LAMA1: variants seen among roughly 807,000 people sequenced by gnomAD.
The protein encoded by LAMA1 is laminin subunit alpha-1.
A neutral mutation model predicts 348.7 loss-of-function variants in LAMA1; 219 were observed. The ratio of observed to expected loss-of-function variants is 0.63; its 90% confidence interval spans 0.56 to 0.70. The LOEUF (loss-of-function observed/expected upper bound fraction) is 0.70, where lower values mean the gene tolerates loss of function less well. Among genes scored for constraint, LAMA1 ranks in the 30% least tolerant of loss-of-function variants. The pLI, the probability that LAMA1 is intolerant of heterozygous loss-of-function variation, is 0.00. For missense variants in LAMA1, 3,744 were observed against 3,888.0 expected (o/e 0.96, Z 0.99); for synonymous variants, 1,487 against 1,491.0 (o/e 1.00, Z 0.06).
In LAMA1 at chr18:6,978,344, C is replaced by T. The variant is rs748882155; in HGVS notation, c.6042G>A (p.Leu2014=). The T allele has an allele frequency of 1.9e-6, 3 of 1,614,154 alleles. No homozygotes were observed. Among genetic ancestry groups the T allele is most frequent in the Non-Finnish European group, 2.5e-6 (3 of 1,180,044 alleles). Residue 2014 remains leucine (L), a synonymous_variant, in exon 43 of 63, where the codon CTG becomes CTA. Transcript: ENST00000389658. ...IRDKGAKTKE[L]ATSASQSAVS... The stretch of plus-strand genomic sequence containing the variant: ...CCGCGCTCTGGCTTGCAGACGTGGC[C>T]AGCTCTTTGGTTTTGGCTCCCTTGT...
chr18:7,034,740 AAAAT>A (rs2057986824), intron 13 of LAMA1, 50 bp from the exon 14 acceptor site: 2 of 1,527,258 alleles, frequency 1.3e-6, no homozygotes, highest in Non-Finnish European at 1.8e-6. Context: ...ATTTAATGAT[AAAAT>A]AAAAATAAAA....
In LAMA1 at chr18:6,975,021, C is replaced by G; in HGVS notation, c.6505G>C (p.Val2169Leu). 1 of 1,613,968 alleles carries G rather than the reference C, an allele frequency of 6.2e-7. No individual in the cohort carries two copies. Among genetic ancestry groups the G allele is most frequent in the Non-Finnish European group, 8.5e-7 (1 of 1,179,932 alleles). Residue 2169 changes from valine (V) to leucine (L), a missense_variant, in exon 46 of 63, where the codon GTG becomes CTG. By Grantham distance (32) the Val-to-Leu change is conservative. Around this residue, in one of 3 missense-constraint regions of LAMA1, gnomAD observed 1,983 missense variants for 1,934.3 expected, o/e 1.03. Transcript: ENST00000389658. ...GSSTASDFLA[V>L]EMRRGRVAFL... ...GCCACTCTCCCTCGCCGCATCTCCA[C>G]TGCAAGGAAATCAGACTGGGGGGCG...
chr18:7,087,371 C>T (rs761357657), intron 1 of LAMA1, among the ~76,000 whole-genome samples: 27 of 152,166 alleles, frequency 1.8e-4, no homozygotes, highest in Admixed American at 3.9e-4. Flanking sequence ...ACAACTTCCA[C>T]CATAAGATGA....
intron 61 of LAMA1, among the ~76,000 whole-genome samples, chr18:6,944,519 GC>G (rs1320875150): frequency 6.6e-6 from 1 of 152,168 alleles, no homozygotes; most frequent in Non-Finnish European, 1.5e-5. Flanking sequence ...TGAAGATGGA[GC>G]TTTTAAAGAG....
intron 36 of LAMA1, among the ~76,000 whole-genome samples, chr18:6,992,250 T>C (rs7228564): frequency 0.4 from 61,025 of 152,106 alleles, 12,890 homozygotes; most frequent in East Asian, 0.7. Context: ...GCCTTATCCT[T>C]GATCTACAGT....
intron 1 of LAMA1, among the ~76,000 whole-genome samples, chr18:7,098,221 T>TGG (rs2058271235): frequency 6.6e-6 from 1 of 152,120 alleles, no homozygotes; most frequent in African/African-American, 2.4e-5. Flanking sequence ...CCCAGCCGCC[T>TGG]GCCTTGGCCT....
intron 58 of LAMA1, among the ~76,000 whole-genome samples, chr18:6,949,974 G>A (rs1322416521): frequency 2.6e-5 from 4 of 152,126 alleles, no homozygotes; most frequent in Non-Finnish European, 5.9e-5. Flanking sequence ...TAGGAATCAC[G>A]TAGCCAATAG....
intron 29 of LAMA1, among the ~76,000 whole-genome samples, chr18:7,006,342 T>C (rs754745746): frequency 5.3e-5 from 8 of 152,202 alleles, no homozygotes; most frequent in Non-Finnish European, 7.4e-5. Context: ...ATGTGAATAA[T>C]GTGCTGTTAT....
Position 6,947,207 on chromosome 18 carries a change from T to G in LAMA1, c.8800A>C (p.Thr2934Pro). ...AGTCCAATGGCATCCACTTTGGCAG[T>G]GCTGATCCCCAGGAGGACGCCATTC... ...SQNGVLLGIS[T>P]AKVDAIGLEL... Residue 2934 changes from threonine to proline, a missense_variant, in exon 61 of 63, where the codon ACT (threonine) becomes CCT (proline). Thr to Pro is a conservative substitution (Grantham distance 38). Transcript: ENST00000389658. 1 of 1,614,210 alleles carries G rather than the reference T, an allele frequency of 6.2e-7. No individual in the cohort carries two copies. The highest frequency in any genetic ancestry group is 8.5e-7 in the Non-Finnish European group (1 of 1,180,034).
At chr18:7,078,533 C>T (rs2058180372) in intron 3 of LAMA1, among the ~76,000 whole-genome samples, 1 of 152,064 alleles carries the variant, frequency 6.6e-6, no homozygotes, top group Admixed American at 6.6e-5. Context: ...TGTCTTATAC[C>T]TGAAAGCTAT....
intron 55 of LAMA1, 185 bp from the exon 56 acceptor site, chr18:6,956,950 G>A (rs2143994886): frequency 1.5e-6 from 1 of 660,978 alleles, no homozygotes; most frequent in East Asian, 2.9e-5. Flanking sequence ...AATATTTCTT[G>A]TCTGAAGCTT....
intron 54 of LAMA1, among the ~76,000 whole-genome samples, chr18:6,959,078 T>C (rs1207353818): frequency 6.6e-6 from 1 of 152,154 alleles, no homozygotes; most frequent in Non-Finnish European, 1.5e-5. Context: ...TGCCACAGAA[T>C]CAATCCAATG....
At chr18:7,050,447 G>A (rs2144201555) in intron 4 of LAMA1, among the ~76,000 whole-genome samples, 1 of 152,322 alleles carries the variant, frequency 6.6e-6, no homozygotes, top group East Asian at 1.9e-4. Flanking sequence ...ATGCTCTGAA[G>A]GAGGATCCAA....
At chr18:7,104,603 G>A (rs1187225535) in intron 1 of LAMA1, among the ~76,000 whole-genome samples, 2 of 152,216 alleles carry the variant, frequency 1.3e-5, no homozygotes, top group Non-Finnish European at 2.9e-5. Flanking sequence ...AGCAGTGGGA[G>A]AAGAGGCTGT....
Position 7,013,906 on chromosome 18 carries a change from T to A in LAMA1, c.3272A>T (p.Asp1091Val). The A allele has an allele frequency of 2.5e-6, 4 of 1,613,654 alleles. No individual in the cohort carries two copies. The highest frequency in any genetic ancestry group is 3.4e-6 in the Non-Finnish European group (4 of 1,179,726). ...CCCCGACGTCCCCCTCAGGTCACAG[T>A]CACAGGGAACACAGTCGGGAAAGTC... ...YRDFPDCVPC[D>V]CDLRGTSGDA... The change falls in exon 23 of 63, where the codon GAC becomes GTC. Residue 1091 changes from aspartate (D) to valine (V), a missense_variant. Around this residue, in one of 3 missense-constraint regions of LAMA1, gnomAD observed 1,529 missense variants for 1,689.4 expected, o/e 0.91. Coordinates refer to ENST00000389658, the MANE Select transcript of LAMA1 (RefSeq NM_005559.4).
intron 3 of LAMA1, among the ~76,000 whole-genome samples, chr18:7,075,866 G>A (rs2058165662): frequency 6.6e-6 from 1 of 151,846 alleles, no homozygotes; most frequent in Admixed American, 6.6e-5. Flanking sequence ...GAACCTGGGA[G>A]GCAGAGGTTG....
Position 6,984,374 on chromosome 18 carries a change from T to C in LAMA1, c.5660+863A>G, listed in dbSNP as rs980519155. 3.9e-5 allele frequency among the ~76,000 whole-genome samples: 6 copies of C among 152,186 alleles called. No homozygotes were observed. The East Asian group carries it at 5.8e-4, about 15-fold the overall frequency. ...GGTCAGACTTGTCACCCATAACGCA[T>C]AGCAAATTTTAAAGAAAGAAATTTA... On this transcript the variant is annotated intron_variant, in intron 39 of 62. Transcript: ENST00000389658.
At chr18:7,099,320 A>C (rs2058281427) in intron 1 of LAMA1, among the ~76,000 whole-genome samples, 1 of 151,474 alleles carries the variant, frequency 6.6e-6, no homozygotes, top group African/African-American at 2.4e-5. Flanking sequence ...ACCCAGGGAC[A>C]CAAACACTGC....
chr18:6,991,765 T>C (rs572647651), intron 36 of LAMA1, among the ~76,000 whole-genome samples: 2 of 152,298 alleles, frequency 1.3e-5, no homozygotes, highest in Non-Finnish European at 2.9e-5. Context: ...ACAGTATAAA[T>C]AAATATTTGA....
Sources: allele counts gnomAD v4.1 joint callset (sites outside exome capture counted in the v4.1 genomes callset), GRCh38; gene constraint gnomAD v4.1.1; regional missense constraint gnomAD v4.1.1; transcripts MANE v1.5; gene names NCBI Gene and HGNC (gene_info 2026-07-23, HGNC 2026-07-21).